The following ARHGAP12 variants were observed in gnomAD, a reference collection of about 807,000 sequenced individuals.
ARHGAP12 encodes rho GTPase-activating protein 12.
ARHGAP12 carries 64 observed loss-of-function variants against 108.6 expected under a neutral mutation model. That is an observed-to-expected ratio of 0.59 (90% CI 0.48 to 0.73). The LOEUF is 0.73. Among genes scored for constraint, ARHGAP12 ranks in the 30% least tolerant of loss-of-function variants. The pLI is 0.00. For missense variants in ARHGAP12, 940 were observed against 1,005.9 expected, an observed-to-expected ratio of 0.93 and a Z score of 0.89; for synonymous variants, 312 against 337.2, an observed-to-expected ratio of 0.93 and a Z score of 0.82.
rs766586219 is a variant in ARHGAP12, at chr10:31,854,098, T to C, written c.1057A>G (p.Thr353Ala). ...TTAGTATAGTCACTGGTATATAAGGTATGCCCACGTTCATCCAACTCTTCT... is the reference window on the plus strand; with the variant it reads ...TTAGTATAGTCACTGGTATATAAGGCATGCCCACGTTCATCCAACTCTTCT... ...WSEELDERGH[T>A]LYTSDYTNEK... is the part of the protein sequence containing the mutation. Residue 353 changes from threonine to alanine, a missense_variant, in exon 5 of 20, where the codon ACC (threonine) becomes GCC (alanine). Transcript: ENST00000344936. The C allele has an allele frequency of 1.2e-6, 2 of 1,613,632 alleles. No individual in the cohort carries two copies. The highest frequency in any genetic ancestry group is 2.2e-5 in the South Asian group (2 of 90,936).
At chr10:31,925,711 G>A (rs1762736678) in intron 1 of ARHGAP12, among the ~76,000 whole-genome samples, 1 of 152,152 alleles carries the variant, frequency 6.6e-6, no homozygotes, top group Non-Finnish European at 1.5e-5. Flanking sequence ...TTGCTGATGA[G>A]GCCAATCTGA....
At chr10:31,900,439 C>T (rs565244946) in intron 3 of ARHGAP12, among the ~76,000 whole-genome samples, 1 of 152,126 alleles carries the variant, frequency 6.6e-6, no homozygotes, top group Non-Finnish European at 1.5e-5. Flanking sequence ...CCAACAAAAA[C>T]TGGAAGCAAC....
intron 3 of ARHGAP12, among the ~76,000 whole-genome samples, chr10:31,864,913 T>C (rs987713308): frequency 3.3e-5 from 5 of 152,094 alleles, no homozygotes; most frequent in African/African-American, 7.2e-5. Context: ...CATGGGACAC[T>C]GTGGGAGCAA....
rs145689717 is a variant in ARHGAP12, at chr10:31,908,266, T to C, written c.590A>G (p.Gln197Arg). The C allele has an allele frequency of 2.1e-4, 345 of 1,613,952 alleles. No individual in the cohort carries two copies. Among genetic ancestry groups the C allele is most frequent in the Non-Finnish European group, 2.9e-4 (339 of 1,180,032 alleles). The change falls in exon 3 of 20, where the codon CAA becomes CGA. Residue 197 changes from glutamine to arginine, a missense_variant. Gln to Arg is a conservative substitution (Grantham distance 43). Transcript: ENST00000344936. Reference protein sequence around the residue: ...DVEKTSFSQEQSCDSAGEGSE... With the variant: ...DVEKTSFSQERSCDSAGEGSE... ...GCCTTCTCCTGCGGAATCACAAGAT[T>C]GTTCCTGGGAGAAGCTAGTTTTCTC...
intron 3 of ARHGAP12, among the ~76,000 whole-genome samples, chr10:31,876,240 G>A (rs60402011): frequency 0.051 from 7,739 of 152,158 alleles, 658 homozygotes; most frequent in African/African-American, 0.17. Flanking sequence ...ACATCAGGCC[G>A]GGCACAGTGG....
chr10:31,920,718 T>C (rs1165023836), intron 1 of ARHGAP12, among the ~76,000 whole-genome samples: 2 of 152,284 alleles, frequency 1.3e-5, no homozygotes, highest in Admixed American at 1.3e-4. Context: ...CTGGCAAGTA[T>C]TCCAGAAACT....
chr10:31,871,834 G>A (rs939699889), intron 3 of ARHGAP12, among the ~76,000 whole-genome samples: 1 of 152,218 alleles, frequency 6.6e-6, no homozygotes, highest in Non-Finnish European at 1.5e-5. Flanking sequence ...AGCACATAGA[G>A]AGTCATGGGA....
At chr10:31,917,290 C>G (rs1450109383) in intron 1 of ARHGAP12, among the ~76,000 whole-genome samples, 1 of 152,018 alleles carries the variant, frequency 6.6e-6, no homozygotes, top group African/African-American at 2.4e-5. Flanking sequence ...TGCCTGTAAT[C>G]CCAGCTACTC....
chr10:31,809,376 G>T (rs1834933870), intron 16 of ARHGAP12, 69 bp from the exon 17 acceptor site: 2 of 1,378,080 alleles, frequency 1.5e-6, no homozygotes, highest in East Asian at 2.3e-5. Context: ...GAACACGTTT[G>T]CATGTGTCAG....
chr10:31,894,924 G>C (rs755537359), intron 3 of ARHGAP12, among the ~76,000 whole-genome samples: 5 of 152,136 alleles, frequency 3.3e-5, no homozygotes, highest in Non-Finnish European at 7.3e-5. Flanking sequence ...GAACAGAACA[G>C]AGGCCTCAGA....
intron 11 of ARHGAP12, among the ~76,000 whole-genome samples, chr10:31,821,294 T>G (rs750871954): frequency 3.3e-5 from 5 of 152,140 alleles, no homozygotes; most frequent in Non-Finnish European, 7.4e-5. Flanking sequence ...TATATTTTGT[T>G]AACTAGATAA....
In ARHGAP12 at chr10:31,908,324, C is replaced by T; in HGVS notation, c.532G>A (p.Gly178Ser). Residue 178 changes from glycine to serine, a missense_variant, in exon 3 of 20, where the codon GGT becomes AGT. By Grantham distance (56) the Gly-to-Ser change is moderately conservative. Coordinates refer to ENST00000344936, the MANE Select transcript of ARHGAP12 (RefSeq NM_018287.7). ...VSSQNRTRSF[G>S]HFPGPEFLDV... ...AAGAACTCTGGACCGGGAAAATGAC[C>T]AAATGAGCGTGTCCTATTCTGGCTG... The T allele has an allele frequency of 6.2e-7, 1 of 1,614,080 alleles. No individual in the cohort carries two copies. Among genetic ancestry groups the T allele is most frequent in the East Asian group, 2.2e-5 (1 of 44,878 alleles).
chr10:31,881,350 A>C (rs1280045684), intron 3 of ARHGAP12, among the ~76,000 whole-genome samples: 1 of 152,196 alleles, frequency 6.6e-6, no homozygotes, highest in Non-Finnish European at 1.5e-5. Context: ...CCACAGACAC[A>C]TAAGAGGCCA....
chr10:31,849,057 T>A (rs1010505454), intron 6 of ARHGAP12, among the ~76,000 whole-genome samples: 2 of 143,978 alleles, frequency 1.4e-5, no homozygotes, highest in South Asian at 2.2e-4. Flanking sequence ...GACTCGTCTT[T>A]AAAAAAAAAA....
chr10:31,824,775 T>C (rs894902945), intron 11 of ARHGAP12, among the ~76,000 whole-genome samples: 1 of 152,128 alleles, frequency 6.6e-6, no homozygotes, highest in African/African-American at 2.4e-5. Flanking sequence ...TCTTTAAGTA[T>C]CAGTAATTAT....
intron 7 of ARHGAP12, 127 bp downstream of exon 7, chr10:31,843,334 T>TAGTAAAAAA: frequency 9.3e-7 from 1 of 1,072,878 alleles, no homozygotes. Flanking sequence ...AAGCTTAAAT[T>TAGTAAAAAA]AGTTCAAAAG....
chr10:31,815,884 C>G (rs532287845), intron 13 of ARHGAP12, among the ~76,000 whole-genome samples: 2 of 152,076 alleles, frequency 1.3e-5, no homozygotes, highest in Admixed American at 1.3e-4. Context: ...TGCAGTGGCT[C>G]CACACCTGTA....
At chr10:31,848,619 A>AG (rs1836553368) in intron 6 of ARHGAP12, among the ~76,000 whole-genome samples, 1 of 152,170 alleles carries the variant, frequency 6.6e-6, no homozygotes, top group Non-Finnish European at 1.5e-5. Flanking sequence ...TTATTTGAAT[A>AG]ACTATGTTTT....
chr10:31,810,711 T>C lies in ARHGAP12; in HGVS notation c.1988A>G (p.Gln663Arg). Reference sequence around the variant, plus strand: ...CTTTGGTACTGTGCCATTCTCTCTCTGACACAGATTAGCGAGATTGGATCC... The same window carrying C: ...CTTTGGTACTGTGCCATTCTCTCTCCGACACAGATTAGCGAGATTGGATCC... Reference protein sequence around the residue: ...VFGSNLANLCQRENGTVPKFV... With the variant: ...VFGSNLANLCRRENGTVPKFV... The change falls in exon 16 of 20, where the codon CAG becomes CGG. Residue 663 changes from glutamine (Q) to arginine (R), a missense_variant. Physicochemically the swap from Gln to Arg is conservative, Grantham distance 43. Coordinates refer to ENST00000344936, the MANE Select transcript of ARHGAP12 (RefSeq NM_018287.7). 6.2e-7 allele frequency: 1 copy of C among 1,609,646 alleles called. No homozygotes were observed. Among genetic ancestry groups the C allele is most frequent in the Non-Finnish European group, 8.5e-7 (1 of 1,178,126 alleles).
Sources: gnomAD v4.1 joint callset for allele counts (sites outside exome capture counted in the v4.1 genomes callset) on GRCh38, gnomAD v4.1.1 for gene constraint, MANE v1.5 for transcripts, NCBI Gene and HGNC (gene_info 2026-07-23, HGNC 2026-07-21) for gene names.